The following ITPR2 variants were observed in gnomAD, a reference collection of about 807,000 sequenced individuals.
ITPR2 encodes the protein inositol 1,4,5-trisphosphate-gated calcium channel ITPR2.
A neutral mutation model predicts 317.1 loss-of-function variants in ITPR2; 207 were observed. The ratio of observed to expected loss-of-function variants is 0.65; its 90% confidence interval spans 0.58 to 0.73. The LOEUF is 0.73. Ranked by LOEUF, ITPR2 falls within the 30% of genes least tolerant of loss-of-function variation. The pLI, the probability that ITPR2 is intolerant of heterozygous loss-of-function variation, is 0.00. For synonymous variants in ITPR2, 1,156 were observed against 1,149.1 expected (o/e 1.01, Z -0.12); for missense variants, 2,613 against 3,284.0 (o/e 0.80, Z 4.99).
chr12:26,712,294 T>C (rs994734371), intron 8 of ITPR2, among the ~76,000 whole-genome samples: 1 of 152,236 alleles, frequency 6.6e-6, no homozygotes, highest in Non-Finnish European at 1.5e-5. Context: ...TTGCTAGTAC[T>C]GACCACCCTT....
At position 26,480,711 on chromosome 12, in the gene ITPR2, G is replaced by T. The variant is rs538177796; in HGVS notation, c.6123+420C>A. Among the ~76,000 whole-genome samples the T allele has an allele frequency of 4.6e-5, 7 of 152,060 alleles. No homozygotes were observed. In the South Asian group the frequency reaches 1.5e-3, roughly 32 times the overall value. ...AAAAATTAGCCAGGCATGGTGGCGG[G>T]CGCCTGTAATCCCAGCTACTCAGGA... On this transcript the variant is annotated intron_variant, in intron 43 of 56. Coordinates refer to ENST00000381340, the MANE Select transcript of ITPR2 (RefSeq NM_002223.4).
chr12:26,612,383 A>G (rs889416871), intron 26 of ITPR2, among the ~76,000 whole-genome samples: 2 of 152,202 alleles, frequency 1.3e-5, no homozygotes, highest in African/African-American at 4.8e-5. Flanking sequence ...AGATTTACTA[A>G]ACAACAAAGG....
At chr12:26,714,461 C>T (rs956953605) in intron 8 of ITPR2, among the ~76,000 whole-genome samples, 5 of 152,030 alleles carry the variant, frequency 3.3e-5, no homozygotes, top group African/African-American at 1.2e-4. Context: ...TGTTGAAATA[C>T]ATATTATTTT....
At chr12:26,506,375 G>A (rs1373373487) in intron 37 of ITPR2, among the ~76,000 whole-genome samples, 1 of 151,754 alleles carries the variant, frequency 6.6e-6, no homozygotes, top group Non-Finnish European at 1.5e-5. Flanking sequence ...TGGGTGTGGT[G>A]ACATACGCCT....
rs140512203 is a variant in ITPR2 at position 26,407,925 on chromosome 12, G to A, written c.7399+3395C>T. ...AAGCCTTCTCCAGGTCCTTGAACAT[G>A]TCTCAGGGCGTTCACTCTCAGATGT... On this transcript the variant is annotated intron_variant, in intron 52 of 56. Transcript: ENST00000381340. Among the ~76,000 whole-genome samples, 3 of 152,292 alleles carry A rather than the reference G, an allele frequency of 2.0e-5. No individual in the cohort carries two copies. In the East Asian group the frequency reaches 5.8e-4, roughly 29 times the overall value.
chr12:26,599,876 A>C, intron 29 of ITPR2, 111 bp downstream of exon 29: 2 of 793,356 alleles, frequency 2.5e-6, no homozygotes, highest in Non-Finnish European at 4.0e-6. Flanking sequence ...AATTTCCACA[A>C]GGAAAAAAAA....
At chr12:26,461,781 G>C (rs1325333740) in intron 45 of ITPR2, among the ~76,000 whole-genome samples, 2 of 150,850 alleles carry the variant, frequency 1.3e-5, no homozygotes, top group African/African-American at 4.9e-5. Context: ...GAGACCAGCT[G>C]ATTTCACATC....
chr12:26,457,577 A>C (rs1389153648), intron 45 of ITPR2, among the ~76,000 whole-genome samples: 1 of 152,190 alleles, frequency 6.6e-6, no homozygotes, highest in Non-Finnish European at 1.5e-5. Flanking sequence ...AAGAGTCAGA[A>C]GCCTACTGCA....
At chr12:26,400,924 GTTGT>G (rs1422317280) in intron 52 of ITPR2, 1 of 152,266 alleles carries the variant, frequency 6.6e-6, no homozygotes, top group Non-Finnish European at 1.5e-5. Flanking sequence ...TCTTCAGAGG[GTTGT>G]TTAAGAATTA....
intron 37 of ITPR2, among the ~76,000 whole-genome samples, chr12:26,520,227 T>G (rs923000745): frequency 1.3e-5 from 2 of 152,162 alleles, no homozygotes; most frequent in Non-Finnish European, 2.9e-5. Context: ...GGACTGAAAT[T>G]TTATGGATCA....
At chr12:26,790,064 C>T in intron 2 of ITPR2, 93 bp downstream of exon 2, 1 of 831,606 alleles carries the variant, frequency 1.2e-6, no homozygotes, top group Non-Finnish European at 2.0e-6. Flanking sequence ...GAAAGTTTCA[C>T]ATTGAATAAA....
intron 2 of ITPR2, among the ~76,000 whole-genome samples, chr12:26,784,726 C>G (rs890054347): frequency 3.3e-5 from 5 of 151,350 alleles, no homozygotes; most frequent in African/African-American, 7.3e-5. Flanking sequence ...CCTTGGCCCC[C>G]CAAAGTGCCG....
At chr12:26,475,247 C>G in intron 45 of ITPR2, 49 bp downstream of exon 45, 1 of 1,604,396 alleles carries the variant, frequency 6.2e-7, no homozygotes, top group Non-Finnish European at 8.5e-7. Flanking sequence ...GGATACAAAA[C>G]ACGATTGATA....
chr12:26,356,612 A>C (rs947901015), intron 55 of ITPR2, among the ~76,000 whole-genome samples: 2 of 152,254 alleles, frequency 1.3e-5, no homozygotes, highest in Admixed American at 1.3e-4. Flanking sequence ...TTGATCATGC[A>C]GTAGGTGCTG....
intron 51 of ITPR2, among the ~76,000 whole-genome samples, chr12:26,414,847 C>T (rs149047578): frequency 4.2e-4 from 64 of 152,094 alleles, no homozygotes; most frequent in African/African-American, 1.4e-3. Context: ...TTCTTATGAT[C>T]TGGTGGTTTC....
chr12:26,613,588 ACG>A (rs1555166719), intron 26 of ITPR2, among the ~76,000 whole-genome samples: 2 of 146,974 alleles, frequency 1.4e-5, no homozygotes, highest in Non-Finnish European at 3.0e-5. Flanking sequence ...ACACACACAC[ACG>A]GCAAAAAGGA....
At chr12:26,736,360 G>A (rs1167379846) in intron 2 of ITPR2, among the ~76,000 whole-genome samples, 1 of 152,156 alleles carries the variant, frequency 6.6e-6, no homozygotes, top group Non-Finnish European at 1.5e-5. Context: ...AGAGTGAAGA[G>A]GAGTAGCTAA....
chr12:26,474,350 G>C (rs1366428125), intron 45 of ITPR2, among the ~76,000 whole-genome samples: 1 of 152,076 alleles, frequency 6.6e-6, no homozygotes, highest in African/African-American at 2.4e-5. Context: ...AAATCAAATT[G>C]GCAAATGCAC....
intron 34 of ITPR2, among the ~76,000 whole-genome samples, chr12:26,567,290 G>C (rs998900492): frequency 6.6e-6 from 1 of 152,160 alleles, no homozygotes; most frequent in African/African-American, 2.4e-5. Flanking sequence ...AGTGACTTCA[G>C]GGAAATCTCA....
Sources: gnomAD v4.1 joint callset for allele counts (sites outside exome capture counted in the v4.1 genomes callset) on GRCh38, gnomAD v4.1.1 for gene constraint, MANE v1.5 for transcripts, NCBI Gene and HGNC (gene_info 2026-07-23, HGNC 2026-07-21) for gene names.